The following LDB1 variants were observed in gnomAD, a reference collection of about 807,000 sequenced individuals.
The protein encoded by LDB1 is LIM domain binding 1, also known as LIM domain-binding protein 1.
Under a neutral mutation model 49.7 loss-of-function variants are expected in LDB1, and 6 were observed. The observed-to-expected ratio is 0.12, with a 90% CI of 0.07 to 0.24. LDB1 has a LOEUF of 0.24. LDB1 is among the 10% of genes least tolerant of loss of function. The pLI is 1.00. For synonymous variants in LDB1, 233 were observed against 202.0 expected (o/e 1.15, Z -1.30); for missense variants, 341 against 561.7 (o/e 0.61, Z 3.97).
Position 102,117,361 on chromosome 10 carries a change from G to A in LDB1, c.25+2725C>T, listed in dbSNP as rs1414255073. On this transcript the variant is annotated intron_variant, in intron 1 of 10. Transcript: ENST00000673968. This position sits in a 1 kb window ranked among gnomAD's most constrained non-coding sequence, Gnocchi z 4.2. The stretch of plus-strand genomic sequence containing the variant: ...AGATTTACCCAGTTGCACAGGGGCA[G>A]AACAGGTCCAGCTAAAAAGAGCAAG... 6.6e-6 allele frequency among the ~76,000 whole-genome samples: 1 copy of A among 152,242 alleles called. No homozygotes were observed. Among genetic ancestry groups the A allele is most frequent in the Non-Finnish European group, 1.5e-5 (1 of 68,044 alleles).
At chr10:102,102,925 C>A (rs2068130486), downstream of LDB1, among the ~76,000 whole-genome samples, 1 of 152,166 alleles carries the variant, frequency 6.6e-6, no homozygotes, top group Non-Finnish European at 1.5e-5. Flanking sequence ...CTGCCACCTG[C>A]CAAGTAGCTG....
intron 2 of LDB1, 38 bp downstream of exon 2, chr10:102,111,396 T>C (rs1157758861): frequency 6.2e-7 from 1 of 1,600,384 alleles, no homozygotes; most frequent in South Asian, 1.1e-5. Context: ...GGATCCCACC[T>C]GGAGAAGGGT....
chr10:102,103,966 C>T (rs1035377853), downstream of LDB1, among the ~76,000 whole-genome samples: 14 of 150,968 alleles, frequency 9.3e-5, no homozygotes, highest in Non-Finnish European at 1.6e-4. Flanking sequence ...CTACTTGGGA[C>T]GCATGAGAAT....
At chr10:102,120,721 G>T (rs574329819), upstream of LDB1, among the ~76,000 whole-genome samples, 7 of 152,196 alleles carry the variant, frequency 4.6e-5, no homozygotes, top group African/African-American at 9.6e-5. Context: ...CGAAGGGGAG[G>T]GCTTGGAGGC....
rs1407415447 is a variant in LDB1 at position 102,110,850 on chromosome 10, G to T, written c.352+19C>A. The T allele has an allele frequency of 6.2e-7, 1 of 1,606,280 alleles. No homozygotes were observed. Among genetic ancestry groups the T allele is most frequent in the Non-Finnish European group, 8.5e-7 (1 of 1,173,102 alleles). ...TAGGAGGTATACACCCTCATAGCAA[G>T]ACCCCAGAGGCCACTTACTATATCT... On this transcript the variant is annotated intron_variant, in intron 5 of 10. Coordinates refer to ENST00000673968, the MANE Select transcript of LDB1 (RefSeq NM_001113407.3).
downstream of LDB1, among the ~76,000 whole-genome samples, chr10:102,106,099 G>A (rs2068157268): frequency 6.6e-6 from 1 of 152,032 alleles, no homozygotes; most frequent in Admixed American, 6.6e-5. Context: ...GCCCCCTCCT[G>A]GGCCAAGTCC....
upstream of LDB1, among the ~76,000 whole-genome samples, chr10:102,120,893 C>T (rs2133543480): frequency 6.6e-6 from 1 of 152,268 alleles, no homozygotes; most frequent in South Asian, 2.1e-4. Context: ...GGACTGCAGA[C>T]CCCCTGTCCG....
chr10:102,110,523 G>A lies in LDB1; in HGVS notation c.525+6C>T, dbSNP rs201713734. The A allele has an allele frequency of 4.8e-4, 773 of 1,608,288 alleles. 9 individuals carry two copies. In the South Asian group the frequency reaches 8.0e-3, roughly 17 times the overall value. ...ATGGTGTTCCACATCCAGCTGGGTT[G>A]CTGACCTGGGTGAACATGGGCTTGC... On this transcript the variant is annotated splice_donor_region_variant and intron_variant, in intron 6 of 10. Coordinates refer to ENST00000673968, the MANE Select transcript of LDB1 (RefSeq NM_001113407.3).
chr10:102,109,203 T>G lies in LDB1; in HGVS notation c.857-26A>C. On this transcript the variant is annotated intron_variant, in intron 9 of 10. Transcript: ENST00000673968. This position sits in a 1 kb window ranked among gnomAD's most constrained non-coding sequence, Gnocchi z 5.8. ...CTGTGCCGGTAAACGGAGACTCAGA[T>G]GGGAGAGGGCCCCAGGTCCCCTATT... The G allele has an allele frequency of 6.2e-7, 1 of 1,612,490 alleles. No individual in the cohort carries two copies. Among genetic ancestry groups the G allele is most frequent in the Non-Finnish European group, 8.5e-7 (1 of 1,179,822 alleles).
chr10:102,105,687 C>A (rs1052191434), downstream of LDB1, among the ~76,000 whole-genome samples: 6 of 151,330 alleles, frequency 4.0e-5, no homozygotes, highest in African/African-American at 1.5e-4. Flanking sequence ...GCTGACCGGG[C>A]AGAGTGGACC....
downstream of LDB1, among the ~76,000 whole-genome samples, chr10:102,105,328 C>T (rs758513151): frequency 3.3e-5 from 5 of 152,136 alleles, no homozygotes; most frequent in Non-Finnish European, 7.3e-5. Flanking sequence ...GGGCTGGCAG[C>T]AGGGCACGGC....
chr10:102,116,987 G>A (rs544168691), intron 1 of LDB1, among the ~76,000 whole-genome samples: 1 of 149,336 alleles, frequency 6.7e-6, no homozygotes, highest in South Asian at 2.2e-4. Flanking sequence ...AGAACCCACT[G>A]AGACAGGATG....
rs368540394 is a variant in LDB1, at chr10:102,108,297, G to T, written c.1032C>A (p.Thr344=). ...CGTCCCCGAACTCCCCGCCCATCAG[G>T]GTGGGCTCCCCCACCACCATCACAT... ...VPDVMVVGEP[T]LMGGEFGDED... Residue 344 remains threonine, a synonymous_variant, in exon 11 of 11, where the codon ACC becomes ACA. Transcript: ENST00000673968. 3 of 1,613,802 alleles carry T rather than the reference G, an allele frequency of 1.9e-6. No individual in the cohort carries two copies. In the African/African-American group the frequency reaches 4.0e-5, roughly 22 times the overall value.
In LDB1 at chr10:102,111,442, C is replaced by T. The variant is rs749791246; in HGVS notation, c.120G>A (p.Arg40=). 6.3e-7 allele frequency: 1 copy of T among 1,584,316 alleles called. No individual in the cohort carries two copies. Among genetic ancestry groups the T allele is most frequent in the Non-Finnish European group, 8.6e-7 (1 of 1,162,778 alleles). ...PPFHPGTMLD[R]DVGPTPMYPP... ...CCAAGAGACTCACTTACCCCACATC[C>T]CTATCCAGCATGGTGCCGGGATGGA... The change falls in exon 2 of 11, where the codon AGG becomes AGA. Residue 40 remains arginine, a synonymous_variant. Transcript: ENST00000673968.
Position 102,108,948 on chromosome 10 carries a change from G to A in LDB1, c.1005+81C>T, listed in dbSNP as rs574593861. 1.3e-5 allele frequency: 20 copies of A among 1,570,150 alleles called. No homozygotes were observed. The South Asian group carries it at 1.8e-4, about 14-fold the overall frequency. On this transcript the variant is annotated intron_variant, in intron 10 of 10. Coordinates refer to ENST00000673968, the MANE Select transcript of LDB1 (RefSeq NM_001113407.3). Reference sequence around the variant, plus strand: ...AAAAACTGTCTTTGCTTCTACGCCTGCTAGTGAGCTCAGGCTTGGAAAGGG... The same window carrying A: ...AAAAACTGTCTTTGCTTCTACGCCTACTAGTGAGCTCAGGCTTGGAAAGGG...
chr10:102,120,543 G>T, upstream of LDB1: 1 of 246,644 alleles, frequency 4.1e-6, no homozygotes, highest in Non-Finnish European at 6.5e-6. Flanking sequence ...CTGCTAGTGG[G>T]AGGGGAGAGC....
At chr10:102,111,685 TA>T in intron 1 of LDB1, 149 bp from the exon 2 acceptor site, 1 of 521,692 alleles carries the variant, frequency 1.9e-6, no homozygotes, top group Non-Finnish European at 3.4e-6. Context: ...ACCTCGTCTC[TA>T]AAAATAATTG....
At chr10:102,112,603 C>T (rs2068271585) in intron 1 of LDB1, among the ~76,000 whole-genome samples, 1 of 151,596 alleles carries the variant, frequency 6.6e-6, no homozygotes, top group Non-Finnish European at 1.5e-5. Context: ...AGCCCCCACC[C>T]CCGCCCCCAA....
chr10:102,102,845 G>A (rs770755860), downstream of LDB1, among the ~76,000 whole-genome samples: 19 of 151,926 alleles, frequency 1.3e-4, no homozygotes, highest in Non-Finnish European at 2.6e-4. Flanking sequence ...GTGCAGTGGC[G>A]ATTCCTTGGT....
Sources: allele counts gnomAD v4.1 joint callset (sites outside exome capture counted in the v4.1 genomes callset), GRCh38; gene constraint gnomAD v4.1.1; non-coding constraint Gnocchi (gnomAD v3.1); transcripts MANE v1.5; gene names NCBI Gene and HGNC (gene_info 2026-07-23, HGNC 2026-07-21).